RMDN2: variants seen among roughly 807,000 people sequenced by gnomAD.
RMDN2 encodes the protein regulator of microtubule dynamics protein 2.
A neutral mutation model predicts 52.8 loss-of-function variants in RMDN2; 61 were observed. The ratio of observed to expected loss-of-function variants is 1.16; its 90% confidence interval spans 0.94 to 1.43. The LOEUF (loss-of-function observed/expected upper bound fraction) is 1.43, where lower values mean the gene tolerates loss of function less well. Among genes scored for constraint, RMDN2 ranks in the 40% most tolerant of loss-of-function variants. The probability of loss-of-function intolerance (pLI) is 0.00; values close to 1 mark genes in which losing one functional copy is unlikely to be tolerated. For missense variants in RMDN2, 592 were observed against 475.3 expected (o/e 1.25, Z -2.28); for synonymous variants, 180 against 153.1 (o/e 1.18, Z -1.30).
At chr2:37,958,271 C>T (rs1313115190) in intron 2 of RMDN2, among the ~76,000 whole-genome samples, 2 of 152,122 alleles carry the variant, frequency 1.3e-5, no homozygotes, top group East Asian at 3.9e-4. Context: ...TTCTTTGTAT[C>T]CATGAGTGTG....
chr2:37,982,276 G>T (rs1324496585), intron 5 of RMDN2, among the ~76,000 whole-genome samples: 1 of 152,096 alleles, frequency 6.6e-6, no homozygotes, highest in Non-Finnish European at 1.5e-5. Flanking sequence ...TTTTCACTCT[G>T]CCACCAGCAG....
chr2:38,031,395 T>G (rs920855225), intron 10 of RMDN2, among the ~76,000 whole-genome samples: 2 of 149,918 alleles, frequency 1.3e-5, no homozygotes, highest in Admixed American at 1.3e-4. Flanking sequence ...CACCTCAGCC[T>G]CCCCAGTAGC....
intron 2 of RMDN2, among the ~76,000 whole-genome samples, chr2:37,960,516 A>C (rs1670069488): frequency 6.6e-6 from 1 of 151,784 alleles, no homozygotes; most frequent in African/African-American, 2.4e-5. Context: ...CCATCCCATT[A>C]TTTTGAGCCT....
chr2:38,034,236 C>T lies in RMDN2; in HGVS notation c.1713+30020C>T, dbSNP rs533653550. On this transcript the variant is annotated intron_variant, in intron 10 of 10. Coordinates refer to the RMDN2 transcript ENST00000234195. ...CACTTCTGCTGAGAAGAGCATCCTTCAGCCGTGACACTAAACTTGTGTGAG... is the reference window on the plus strand; with the variant it reads ...CACTTCTGCTGAGAAGAGCATCCTTTAGCCGTGACACTAAACTTGTGTGAG... Among the ~76,000 whole-genome samples the T allele has an allele frequency of 2.6e-5, 4 of 152,302 alleles. No individual in the cohort carries two copies. In the South Asian group the frequency reaches 8.3e-4, roughly 32 times the overall value.
At chr2:38,048,772 C>G (rs1421628809) in intron 10 of RMDN2, among the ~76,000 whole-genome samples, 1 of 152,206 alleles carries the variant, frequency 6.6e-6, no homozygotes, top group Non-Finnish European at 1.5e-5. Context: ...TGCACCATCC[C>G]ACATGGACGA....
intron 8 of RMDN2, among the ~76,000 whole-genome samples, chr2:38,002,542 T>G (rs1011655189): frequency 1.3e-5 from 2 of 152,232 alleles, no homozygotes; most frequent in African/African-American, 4.8e-5. Context: ...TATGTATTTG[T>G]GTTTTTCTAG....
chr2:38,030,090 A>G (rs1293386559), intron 10 of RMDN2: 1 of 152,182 alleles, frequency 6.6e-6, no homozygotes, highest in Non-Finnish European at 1.5e-5. Flanking sequence ...GAATTATGGG[A>G]GCTATAATTC....
At chr2:38,025,940 A>G (rs1679749224) in intron 10 of RMDN2, among the ~76,000 whole-genome samples, 1 of 152,062 alleles carries the variant, frequency 6.6e-6, no homozygotes. Flanking sequence ...TGGTTTTGGT[A>G]TCAGAGTAAT....
intron 4 of RMDN2, among the ~76,000 whole-genome samples, chr2:37,976,926 T>C (rs1056917897): frequency 1.3e-5 from 2 of 151,816 alleles, no homozygotes; most frequent in South Asian, 2.1e-4. Context: ...AGGACAATAG[T>C]GGAGGGAAGG....
intron 2 of RMDN2, among the ~76,000 whole-genome samples, chr2:37,936,550 A>G (rs1040574948): frequency 3.9e-5 from 6 of 152,172 alleles, no homozygotes; most frequent in Non-Finnish European, 1.5e-5. Context: ...CCTCTCCAAC[A>G]TCTGTTGTTT....
chr2:37,942,190 C>G (rs957905848), intron 2 of RMDN2, among the ~76,000 whole-genome samples: 1 of 152,098 alleles, frequency 6.6e-6, no homozygotes, highest in African/African-American at 2.4e-5. Flanking sequence ...CTGGGTGAGG[C>G]GAAATCCCAC....
intron 2 of RMDN2, among the ~76,000 whole-genome samples, chr2:37,956,596 A>G (rs1339588356): frequency 6.6e-6 from 1 of 151,346 alleles, no homozygotes; most frequent in Non-Finnish European, 1.5e-5. Context: ...TTCTTTGTCT[A>G]GTTTCTTAAT....
intron 10 of RMDN2, among the ~76,000 whole-genome samples, chr2:38,040,846 C>T: frequency 6.6e-6 from 1 of 152,096 alleles, no homozygotes; most frequent in South Asian, 2.1e-4. Flanking sequence ...TCTTTTAATC[C>T]ATGAACATGG....
chr2:37,933,254 G>A (rs1240932160), intron 2 of RMDN2, among the ~76,000 whole-genome samples: 1 of 151,910 alleles, frequency 6.6e-6, no homozygotes, highest in African/African-American at 2.4e-5. Flanking sequence ...TAGATGGGAT[G>A]GCGGCCGGGC....
At chr2:37,922,104 C>T (rs1666048738), upstream of RMDN2, among the ~76,000 whole-genome samples, 1 of 152,116 alleles carries the variant, frequency 6.6e-6, no homozygotes, top group South Asian at 2.1e-4. Flanking sequence ...AAAAGTTTTT[C>T]CCCAGCTATT....
In RMDN2 at chr2:38,004,304, A is replaced by T. The variant is rs1039802420; in HGVS notation, c.1179+88A>T. On this transcript the variant is annotated intron_variant, in intron 10 of 10. Coordinates refer to ENST00000354545, the MANE Select transcript of RMDN2 (RefSeq NM_001170791.3). ...GAATAACTCGCTTAGATACATTTGT[A>T]GTTTTCTCTATTCAATTTTATGTAT... 5.8e-5 allele frequency: 49 copies of T among 848,998 alleles called. No individual in the cohort carries two copies. The East Asian group carries it at 1.2e-3, about 21-fold the overall frequency. 52.6% of individuals were successfully genotyped at this position (848,998 alleles called of 1,614,324 possible). A position where few individuals can be genotyped will look rare whatever the true frequency, so the allele number is the denominator to read the frequency against.
chr2:37,960,977 G>T (rs554581215), intron 2 of RMDN2, among the ~76,000 whole-genome samples: 48 of 152,274 alleles, frequency 3.2e-4, no homozygotes, highest in African/African-American at 1.1e-3. Context: ...ATGAAATTCA[G>T]GGTTGAAAAT....
At chr2:37,978,813 T>TAGAG (rs1672921234) in intron 4 of RMDN2, among the ~76,000 whole-genome samples, 1 of 151,714 alleles carries the variant, frequency 6.6e-6, no homozygotes, top group African/African-American at 2.4e-5. Flanking sequence ...GATAGATAGA[T>TAGAG]AGAGAACAGG....
chr2:38,043,415 T>G (rs1008439482), intron 10 of RMDN2, among the ~76,000 whole-genome samples: 1 of 152,148 alleles, frequency 6.6e-6, no homozygotes, highest in Non-Finnish European at 1.5e-5. Flanking sequence ...AGGCCACATA[T>G]AGTCAGATCC....
Sources: gnomAD v4.1 joint callset for allele counts (sites outside exome capture counted in the v4.1 genomes callset) on GRCh38, gnomAD v4.1.1 for gene constraint, MANE v1.5 for transcripts, NCBI Gene and HGNC (gene_info 2026-07-23, HGNC 2026-07-21) for gene names.